GRM5: variants seen among roughly 807,000 people sequenced by gnomAD.
GRM5 encodes the protein metabotropic glutamate receptor 5.
Under a neutral mutation model 83.1 loss-of-function variants are expected in GRM5, and 19 were observed. The ratio of observed to expected loss-of-function variants is 0.23; its 90% CI spans 0.16 to 0.34. GRM5 has a LOEUF of 0.34. Among genes scored for constraint, GRM5 ranks in the 10% least tolerant of loss-of-function variants. The pLI is 1.00. For synonymous variants in GRM5, 675 were observed against 633.6 expected, an observed-to-expected ratio of 1.07 and a Z score of -0.98; for missense variants, 1,160 against 1,588.3, an observed-to-expected ratio of 0.73 and a Z score of 4.58.
At position 88,702,745 on chromosome 11, in the gene GRM5, T is replaced by C. The variant is rs201821358; in HGVS notation, c.912-49342A>G. Among the ~76,000 whole-genome samples, 8 of 152,136 alleles carry C rather than the reference T, an allele frequency of 5.3e-5. No individual in the cohort carries two copies. The South Asian group carries it at 1.7e-3, about 31-fold the overall frequency. On this transcript the variant is annotated intron_variant, in intron 3 of 9. Transcript: ENST00000305447. ...AGGTGATTAAGTTGAAATGAGGCTG[T>C]TTTTGTGTGGTCATAATCCAATGTA...
chr11:88,841,316 G>C (rs1220801278), intron 3 of GRM5, among the ~76,000 whole-genome samples: 1 of 152,042 alleles, frequency 6.6e-6, no homozygotes, highest in Non-Finnish European at 1.5e-5. Flanking sequence ...TCATTATCTT[G>C]ACAATTTTTA....
rs1334321334 is a variant in GRM5, at chr11:88,567,113, C to T, written c.2570G>A (p.Ser857Asn). ...CAGGTTGACTAGGCTGCTGGATCTG[C>T]TGGCTGCGGAGGATGACTTGCCATC... ...VGDGKSSSAA[S>N]RSSSLVNLWK... is the part of the protein sequence containing the mutation. Residue 857 changes from serine to asparagine, a missense_variant, in exon 8 of 10, where the codon AGC becomes AAC. This residue lies in a region of GRM5 where 562 missense variants were observed against 532.4 expected (regional missense o/e 1.06). Transcript: ENST00000305447. This position sits in a 1 kb window ranked among gnomAD's most constrained non-coding sequence, Gnocchi z 7.3. 5.6e-6 allele frequency: 9 copies of T among 1,613,938 alleles called. No individual in the cohort carries two copies. The highest frequency in any genetic ancestry group is 7.6e-6 in the Non-Finnish European group (9 of 1,179,956).
chr11:88,888,051 C>G (rs1565278147), intron 2 of GRM5, among the ~76,000 whole-genome samples: 1 of 152,130 alleles, frequency 6.6e-6, no homozygotes. Context: ...TCCACCATCT[C>G]TAAAATTTTC....
intron 2 of GRM5, among the ~76,000 whole-genome samples, chr11:88,984,097 T>C (rs548744466): frequency 1.3e-5 from 2 of 152,256 alleles, no homozygotes; most frequent in East Asian, 3.9e-4. Context: ...TTTATTATTG[T>C]AAAAAGGTGT....
intron 2 of GRM5, among the ~76,000 whole-genome samples, chr11:88,999,309 G>C (rs894605003): frequency 6.6e-6 from 1 of 152,088 alleles, no homozygotes; most frequent in Non-Finnish European, 1.5e-5. Flanking sequence ...GCAACCTACA[G>C]AATGGGAGAA....
intron 2 of GRM5, among the ~76,000 whole-genome samples, chr11:88,863,290 A>G (rs1944600192): frequency 6.6e-6 from 1 of 152,140 alleles, no homozygotes; most frequent in Non-Finnish European, 1.5e-5. Context: ...AAATCATTCT[A>G]TTATAAATAT....
intron 4 of GRM5, among the ~76,000 whole-genome samples, chr11:88,617,147 T>G (rs1392341054): frequency 6.6e-6 from 1 of 152,172 alleles, no homozygotes; most frequent in East Asian, 1.9e-4. Flanking sequence ...AATGCCAATT[T>G]ACAGCAGGAT....
intron 8 of GRM5, among the ~76,000 whole-genome samples, chr11:88,559,243 A>G (rs1225850552): frequency 6.6e-6 from 1 of 152,102 alleles, no homozygotes. Context: ...GCAGTGCAAT[A>G]AAGATGCAGG....
intron 3 of GRM5, among the ~76,000 whole-genome samples, chr11:88,813,428 G>A (rs759586116): frequency 2.0e-5 from 3 of 152,172 alleles, no homozygotes; most frequent in Non-Finnish European, 4.4e-5. Context: ...GTCAGCCTGA[G>A]TGTGACTTAT....
chr11:88,997,208 T>C (rs1940209791), intron 2 of GRM5, among the ~76,000 whole-genome samples: 1 of 151,416 alleles, frequency 6.6e-6, no homozygotes, highest in African/African-American at 2.4e-5. Context: ...GTGCCTGTAA[T>C]CCCAGCTACT....
At chr11:88,981,819 A>C (rs1012147756) in intron 2 of GRM5, among the ~76,000 whole-genome samples, 1 of 152,186 alleles carries the variant, frequency 6.6e-6, no homozygotes, top group Non-Finnish European at 1.5e-5. Context: ...ATAAGTCCTT[A>C]TATCACAGAC....
intron 8 of GRM5, among the ~76,000 whole-genome samples, chr11:88,547,875 C>T (rs1158069913): frequency 6.6e-6 from 1 of 152,136 alleles, no homozygotes; most frequent in Non-Finnish European, 1.5e-5. Flanking sequence ...TGAAATAGCA[C>T]ACAGTACTTT....
intron 3 of GRM5, among the ~76,000 whole-genome samples, chr11:88,816,022 G>T (rs1470522515): frequency 6.8e-6 from 1 of 147,312 alleles, no homozygotes; most frequent in African/African-American, 2.6e-5. Context: ...GACCATCCTG[G>T]CTAACAAGGT....
At chr11:88,826,444 T>TTA (rs1372621789) in intron 3 of GRM5, among the ~76,000 whole-genome samples, 1 of 151,254 alleles carries the variant, frequency 6.6e-6, no homozygotes, top group African/African-American at 2.4e-5. Flanking sequence ...GTACAAATAA[T>TTA]TATATATATA....
chr11:88,907,343 C>T (rs1481382401), intron 2 of GRM5, among the ~76,000 whole-genome samples: 1 of 152,126 alleles, frequency 6.6e-6, no homozygotes, highest in South Asian at 2.1e-4. Flanking sequence ...GGAGTCTCCT[C>T]CTCTTGCCTT....
chr11:88,630,540 C>T (rs971788553), intron 4 of GRM5, among the ~76,000 whole-genome samples: 10 of 10,786 alleles, frequency 9.3e-4, no homozygotes, highest in South Asian at 0.011. Flanking sequence ...TAATGTAATA[C>T]ACACACACAC....
chr11:88,957,184 G>C (rs1181668866), intron 2 of GRM5, among the ~76,000 whole-genome samples: 1 of 152,174 alleles, frequency 6.6e-6, no homozygotes, highest in Non-Finnish European at 1.5e-5. Context: ...GAATTTTCCA[G>C]GTGACATCAC....
At chr11:88,842,920 A>G (rs189628707) in intron 3 of GRM5, among the ~76,000 whole-genome samples, 3 of 152,334 alleles carry the variant, frequency 2.0e-5, no homozygotes, top group Admixed American at 2.0e-4. Flanking sequence ...AACTGAACTC[A>G]TGATCTGCTC....
intron 2 of GRM5, among the ~76,000 whole-genome samples, chr11:88,967,901 T>C (rs1362348989): frequency 1.3e-5 from 2 of 152,054 alleles, no homozygotes; most frequent in Non-Finnish European, 2.9e-5. Context: ...ATCCATTGGA[T>C]GATACAACAG....
Sources: gnomAD v4.1 joint callset for allele counts (sites outside exome capture counted in the v4.1 genomes callset) on GRCh38, gnomAD v4.1.1 for gene constraint, gnomAD v4.1.1 regional missense constraint, Gnocchi (gnomAD v3.1) non-coding constraint, MANE v1.5 for transcripts, NCBI Gene and HGNC (gene_info 2026-07-23, HGNC 2026-07-21) for gene names.